TAF1B: variants seen among roughly 807,000 people sequenced by gnomAD.
TAF1B encodes the protein TATA box-binding protein-associated factor RNA polymerase I subunit B.
In TAF1B, 61 loss-of-function variants were observed where a neutral mutation model predicts 83.9. That is an observed-to-expected ratio of 0.73 (90% CI 0.59 to 0.90). TAF1B has a LOEUF of 0.90. Ranked by LOEUF, TAF1B falls within the 40% of genes least tolerant of loss-of-function variation. TAF1B has a pLI of 0.00. For missense variants in TAF1B, 625 were observed against 677.0 expected (o/e 0.92, Z 0.85); for synonymous variants, 221 against 224.6 (o/e 0.98, Z 0.14).
At chr2:9,921,463 C>T (rs2357391) in intron 14 of TAF1B, among the ~76,000 whole-genome samples, 75,798 of 152,020 alleles carry the variant, frequency 0.5, 22,197 homozygotes, top group Non-Finnish European at 0.67. Flanking sequence ...CCCCAGAGCA[C>T]ATTCGTTTTT....
chr2:9,870,288 A>G (rs1664126679), intron 6 of TAF1B, among the ~76,000 whole-genome samples: 1 of 152,110 alleles, frequency 6.6e-6, no homozygotes, highest in Admixed American at 6.6e-5. Context: ...CCAGGAGTCC[A>G]AAACCAGCCT....
rs1663557910 is a variant in TAF1B, at chr2:9,856,111, T to G, written c.399+1690T>G. Among the ~76,000 whole-genome samples, 10 of 152,162 alleles carry G rather than the reference T, an allele frequency of 6.6e-5. 1 individual carries two copies. The South Asian group carries it at 2.1e-3, about 31-fold the overall frequency. On this transcript the variant is annotated intron_variant, in intron 5 of 14. Coordinates refer to ENST00000263663, the MANE Select transcript of TAF1B (RefSeq NM_005680.3). ...CATCCAGAGTTGAGAGACCCAGTAC[T>G]GAGAAACCCAGGTCTGGGTGAAGAG...
intron 14 of TAF1B, among the ~76,000 whole-genome samples, chr2:9,924,193 C>T (rs1366353231): frequency 1.3e-5 from 2 of 152,154 alleles, no homozygotes; most frequent in East Asian, 3.8e-4. Context: ...GAGCCTAGAA[C>T]TGCAGAGGAA....
At position 9,911,576 on chromosome 2, in the gene TAF1B, A is replaced by G; in HGVS notation, c.1180+19A>G. 6.8e-7 allele frequency: 1 copy of G among 1,476,936 alleles called. No homozygotes were observed. Among genetic ancestry groups the G allele is most frequent in the Non-Finnish European group, 9.1e-7 (1 of 1,096,526 alleles). The allele number at this position is 1,476,936 out of a possible 1,614,324, so 91.5% of individuals were successfully genotyped here. On this transcript the variant is annotated intron_variant, in intron 11 of 14. Coordinates refer to ENST00000263663, the MANE Select transcript of TAF1B (RefSeq NM_005680.3). ...AAAAAAGGTATTTTAATTTTTTATC[A>G]TTCAAATTCAAAGTGGTTATAGATG...
intron 8 of TAF1B, among the ~76,000 whole-genome samples, chr2:9,885,294 G>A (rs78293771): frequency 0.044 from 6,710 of 152,262 alleles, 194 homozygotes; most frequent in Non-Finnish European, 0.067. Context: ...ATCATGCAGA[G>A]GTTTAGCAGG....
chr2:9,869,646 C>T (rs184009349), intron 6 of TAF1B, among the ~76,000 whole-genome samples: 9 of 151,628 alleles, frequency 5.9e-5, no homozygotes, highest in African/African-American at 1.7e-4. Context: ...GAGGCTGAGG[C>T]GAGCAGATCA....
intron 5 of TAF1B, among the ~76,000 whole-genome samples, chr2:9,860,320 A>T (rs1488405457): frequency 6.6e-6 from 1 of 152,210 alleles, no homozygotes; most frequent in Non-Finnish European, 1.5e-5. Flanking sequence ...ATAAATTTCG[A>T]AGCTGTTAGT....
At chr2:9,844,067 G>T (rs1001302821) in intron 1 of TAF1B, among the ~76,000 whole-genome samples, 1 of 152,172 alleles carries the variant, frequency 6.6e-6, no homozygotes, top group Non-Finnish European at 1.5e-5. Context: ...GTGTTAGTAC[G>T]GGGTCACTGA....
chr2:9,886,733 C>G (rs1208483161), intron 8 of TAF1B, among the ~76,000 whole-genome samples: 1 of 152,164 alleles, frequency 6.6e-6, no homozygotes, highest in Non-Finnish European at 1.5e-5. Context: ...GCCATTGTGG[C>G]TTACATTGCC....
intron 8 of TAF1B, among the ~76,000 whole-genome samples, chr2:9,887,231 A>G (rs558725202): frequency 6.6e-6 from 1 of 152,296 alleles, no homozygotes; most frequent in East Asian, 1.9e-4. Flanking sequence ...TTAAGTTTTA[A>G]CAATTTGAGA....
chr2:9,867,420 A>G (rs1286038160), intron 5 of TAF1B, among the ~76,000 whole-genome samples: 2 of 152,214 alleles, frequency 1.3e-5, no homozygotes, highest in African/African-American at 2.4e-5. Flanking sequence ...GGGCTTCCCT[A>G]TAGGGAGGGG....
chr2:9,915,570 G>A (rs1048355596), intron 12 of TAF1B, among the ~76,000 whole-genome samples: 2 of 152,204 alleles, frequency 1.3e-5, no homozygotes, highest in South Asian at 2.1e-4. Context: ...AAATTAAAAC[G>A]ACAATGACAT....
intron 5 of TAF1B, among the ~76,000 whole-genome samples, chr2:9,858,403 T>G (rs1183124892): frequency 3.3e-5 from 5 of 152,078 alleles, no homozygotes; most frequent in African/African-American, 1.2e-4. Flanking sequence ...TGGGCCAGAG[T>G]TGAGTGTCTG....
intron 7 of TAF1B, among the ~76,000 whole-genome samples, chr2:9,876,295 C>T (rs903320891): frequency 6.6e-6 from 1 of 152,122 alleles, no homozygotes; most frequent in Non-Finnish European, 1.5e-5. Flanking sequence ...AGAAAAGTGA[C>T]ATTTAAGTAC....
intron 14 of TAF1B, among the ~76,000 whole-genome samples, chr2:9,932,175 G>A (rs527418172): frequency 1.4e-3 from 211 of 152,302 alleles, no homozygotes; most frequent in African/African-American, 4.9e-3. Flanking sequence ...CTGTCAGCTC[G>A]TCAAAGTCAT....
At chr2:9,893,785 A>G (rs1664940168) in intron 8 of TAF1B, among the ~76,000 whole-genome samples, 1 of 132,046 alleles carries the variant, frequency 7.6e-6, no homozygotes, top group Non-Finnish European at 1.6e-5. Context: ...ACAATGAGCA[A>G]AATTCAGTAA....
In TAF1B at chr2:9,913,156, C is replaced by G; in HGVS notation, c.1181-3C>G. 1.3e-6 allele frequency: 2 copies of G among 1,595,172 alleles called. No homozygotes were observed. The highest frequency in any genetic ancestry group is 1.7e-6 in the Non-Finnish European group (2 of 1,173,046). On this transcript the variant is annotated splice_region_variant and splice_polypyrimidine_tract_variant and intron_variant, in intron 11 of 14. Transcript: ENST00000263663. ...TAATAATCTTGGATTTTATTTCTTT[C>G]AGATAAGCCATGGTTTGATTTCAGA...
Position 9,905,780 on chromosome 2 carries a change from A to T in TAF1B, c.955+774A>T, listed in dbSNP as rs36038192. 9.6e-3 allele frequency among the ~76,000 whole-genome samples: 1,456 copies of T among 152,320 alleles called. 11 individuals carry two copies. Among genetic ancestry groups the T allele is most frequent in the Non-Finnish European group, 0.016 (1,114 of 67,998 alleles). On this transcript the variant is annotated intron_variant, in intron 9 of 14. Coordinates refer to ENST00000263663, the MANE Select transcript of TAF1B (RefSeq NM_005680.3). Reference sequence around the variant, plus strand: ...ATGTGTTATGTGAAAAAAGCAATATATGAAATTGTATGTATAGTAACTATA... The same window carrying T: ...ATGTGTTATGTGAAAAAAGCAATATTTGAAATTGTATGTATAGTAACTATA...
At chr2:9,899,665 TG>T (rs35291115) in intron 8 of TAF1B, among the ~76,000 whole-genome samples, 49,840 of 146,188 alleles carry the variant, frequency 0.34, 8,757 homozygotes, top group African/African-American at 0.45. Context: ...TATTTTTGAA[TG>T]TTTTTTTCTT....
Sources: gnomAD v4.1 joint callset for allele counts (sites outside exome capture counted in the v4.1 genomes callset) on GRCh38, gnomAD v4.1.1 for gene constraint, MANE v1.5 for transcripts, NCBI Gene and HGNC (gene_info 2026-07-23, HGNC 2026-07-21) for gene names.